The following ARMC9 variants were observed in gnomAD, a reference collection of about 807,000 sequenced individuals.
The protein encoded by ARMC9 is lisH domain-containing protein ARMC9.
Under a neutral mutation model 107.0 loss-of-function variants are expected in ARMC9, and 94 were observed. The ratio of observed to expected loss-of-function variants is 0.88; its 90% CI spans 0.74 to 1.04. ARMC9 has a LOEUF of 1.04. ARMC9 is among the 50% of genes least tolerant of loss of function. The pLI is 0.00. For missense variants in ARMC9, 942 were observed against 1,030.1 expected, an observed-to-expected ratio of 0.91 and a Z score of 1.17; for synonymous variants, 380 against 396.9, an observed-to-expected ratio of 0.96 and a Z score of 0.51.
intron 19 of ARMC9, among the ~76,000 whole-genome samples, chr2:231,324,322 T>C (rs1490314618): frequency 1.3e-5 from 2 of 149,942 alleles, no homozygotes; most frequent in East Asian, 2.0e-4. Context: ...AAGACGGGGT[T>C]TCACCATATT....
At chr2:231,204,600 G>A (rs755762892) in intron 1 of ARMC9, among the ~76,000 whole-genome samples, 3 of 152,026 alleles carry the variant, frequency 2.0e-5, no homozygotes, top group Admixed American at 6.6e-5. Context: ...TGTGTGCCAG[G>A]CACTGGTCTA....
intron 21 of ARMC9, among the ~76,000 whole-genome samples, chr2:231,348,167 A>G (rs920576355): frequency 1.3e-5 from 2 of 152,228 alleles, no homozygotes; most frequent in African/African-American, 4.8e-5. Flanking sequence ...GGATCTAGAG[A>G]TGGATGATTC....
chr2:231,272,444 C>G (rs968907425), intron 13 of ARMC9, among the ~76,000 whole-genome samples: 4 of 152,144 alleles, frequency 2.6e-5, no homozygotes, highest in Non-Finnish European at 5.9e-5. Flanking sequence ...GTCTACCTGC[C>G]TCAGCCTCCC....
chr2:231,250,393 C>G (rs2037186201), intron 9 of ARMC9, among the ~76,000 whole-genome samples: 1 of 152,178 alleles, frequency 6.6e-6, no homozygotes, highest in Non-Finnish European at 1.5e-5. Flanking sequence ...ATTAACAACC[C>G]AAAATGTCTC....
chr2:231,247,002 CT>C (rs1395910376), intron 9 of ARMC9, among the ~76,000 whole-genome samples: 2 of 151,588 alleles, frequency 1.3e-5, no homozygotes, highest in Non-Finnish European at 2.9e-5. Flanking sequence ...CATCACCAGG[CT>C]GGAGTGCAGT....
At chr2:231,220,885 A>G (rs2034055722) in intron 5 of ARMC9, among the ~76,000 whole-genome samples, 1 of 152,236 alleles carries the variant, frequency 6.6e-6, no homozygotes, top group Non-Finnish European at 1.5e-5. Context: ...GTAATCAACA[A>G]CAGAGCAATC....
At chr2:231,236,754 G>A (rs934863274) in intron 8 of ARMC9, among the ~76,000 whole-genome samples, 1 of 152,154 alleles carries the variant, frequency 6.6e-6, no homozygotes, top group Non-Finnish European at 1.5e-5. Context: ...CAGAGCCCCG[G>A]CCAACATGGC....
intron 18 of ARMC9, among the ~76,000 whole-genome samples, chr2:231,292,081 T>C (rs1020806125): frequency 1.3e-5 from 2 of 149,972 alleles, no homozygotes; most frequent in Admixed American, 1.3e-4. Flanking sequence ...GGCAGGAGAA[T>C]CGCTTGAACC....
chr2:231,285,457 C>T (rs2040520252), intron 17 of ARMC9, among the ~76,000 whole-genome samples: 1 of 151,768 alleles, frequency 6.6e-6, no homozygotes, highest in Non-Finnish European at 1.5e-5. Context: ...ACCAGCCTGG[C>T]CAACATGGAG....
Position 231,376,640 on chromosome 2 carries a change from G to GT in ARMC9, c.*5106dup, listed in dbSNP as rs1435725615. ...GCAATTTTAATTTTGCCTTGGTCCT[G>GT]TGGTCCTGTGATCTCGCCCTGCCTC... On this transcript the variant is annotated 3_prime_UTR_variant, in exon 25 of 25. Coordinates refer to ENST00000611582, the MANE Select transcript of ARMC9 (RefSeq NM_001352754.2). Among the ~76,000 whole-genome samples, 1 of 152,190 alleles carries GT rather than the reference G, an allele frequency of 6.6e-6. No individual in the cohort carries two copies. Among genetic ancestry groups the GT allele is most frequent in the Non-Finnish European group, 1.5e-5 (1 of 68,044 alleles).
rs1114167449 is a variant in ARMC9 at position 231,282,066 on chromosome 2, C to T, written c.1559C>T (p.Pro520Leu). Residue 520 changes from proline to leucine, a missense_variant, in exon 17 of 25, where the codon CCG becomes CTG. Pro to Leu is a moderately conservative substitution (Grantham distance 98, BLOSUM62 -3). Coordinates refer to ENST00000611582, the MANE Select transcript of ARMC9 (RefSeq NM_001352754.2). ...TTTTTCCTCCCCTTAAAGATACAGC[C>T]GTATGTGAATGGAGCTCTGTACAGC... The part of the protein sequence containing the change: ...LLGHENHEIQ[P>L]YVNGALYSIL... 10 of 1,614,006 alleles carry T rather than the reference C, an allele frequency of 6.2e-6. No homozygotes were observed. The highest frequency in any genetic ancestry group is 5.5e-5 in the South Asian group (5 of 91,074).
intron 8 of ARMC9, among the ~76,000 whole-genome samples, 193 bp from the exon 9 acceptor site, chr2:231,239,750 G>C (rs1479639186): frequency 6.6e-6 from 1 of 152,202 alleles, no homozygotes; most frequent in Non-Finnish European, 1.5e-5. Context: ...ACCTTGTTCT[G>C]TCAGGGCCGG....
rs1227298134 is a variant in ARMC9, at chr2:231,237,176, G to C, written c.780+1795G>C. Among the ~76,000 whole-genome samples the C allele has an allele frequency of 6.0e-4, 5 of 8,278 alleles. No individual in the cohort carries two copies. The African/African-American group carries it at 7.9e-3, about 13-fold the overall frequency. 5.4% of individuals were successfully genotyped at this position (8,278 alleles called of 152,430 possible). A position where few individuals can be genotyped will look rare whatever the true frequency, so the allele number is the denominator to read the frequency against. ...TTTTAGAACATTTCTCTGCGTATGC[G>C]TGTGTGTGTGTGTGTGTGTGTGTGT... is the stretch of plus-strand genomic sequence containing the variant. On this transcript the variant is annotated intron_variant, in intron 8 of 24. Coordinates refer to ENST00000611582, the MANE Select transcript of ARMC9 (RefSeq NM_001352754.2).
intron 16 of ARMC9, 31 bp downstream of exon 16, chr2:231,278,489 C>A (rs771479541): frequency 1.9e-6 from 3 of 1,605,350 alleles, no homozygotes; most frequent in Admixed American, 3.3e-5. Flanking sequence ...GCCCTGGGCT[C>A]GGGGAGGCTA....
chr2:231,216,911 A>G lies in ARMC9; in HGVS notation c.504+118A>G, dbSNP rs555004548. The G allele has an allele frequency of 1.7e-5, 21 of 1,239,054 alleles. No individual in the cohort carries two copies. In the East Asian group the frequency reaches 4.3e-4, roughly 25 times the overall value. 76.8% of individuals were successfully genotyped at this position (1,239,054 alleles called of 1,614,324 possible). On this transcript the variant is annotated intron_variant, in intron 5 of 24. Transcript: ENST00000611582. ...AAAACTAAAATTTGCTTACATTAGT[A>G]TTATTTTTAGTTATAACCATAATTT...
intron 13 of ARMC9, among the ~76,000 whole-genome samples, chr2:231,271,724 G>A (rs993220099): frequency 6.6e-6 from 1 of 152,226 alleles, no homozygotes; most frequent in African/African-American, 2.4e-5. Flanking sequence ...AAGCCAGGAT[G>A]TGTTACTGAG....
intron 12 of ARMC9, among the ~76,000 whole-genome samples, chr2:231,267,796 C>T (rs933586370): frequency 1.3e-5 from 2 of 152,132 alleles, no homozygotes; most frequent in Non-Finnish European, 2.9e-5. Context: ...ATTGGGACCT[C>T]GTGCACTACT....
intron 23 of ARMC9, among the ~76,000 whole-genome samples, chr2:231,364,477 G>A (rs1449267924): frequency 6.6e-6 from 1 of 152,166 alleles, no homozygotes; most frequent in Non-Finnish European, 1.5e-5. Flanking sequence ...CCTGAGGATG[G>A]ACAGCAGCTC....
intron 19 of ARMC9, among the ~76,000 whole-genome samples, chr2:231,308,838 C>T (rs1366992057): frequency 1.3e-5 from 2 of 152,236 alleles, no homozygotes; most frequent in African/African-American, 4.8e-5. Context: ...CTTCTAGGTG[C>T]ATGTCCAGAG....
Sources: gnomAD v4.1 joint callset for allele counts (sites outside exome capture counted in the v4.1 genomes callset) on GRCh38, gnomAD v4.1.1 for gene constraint, MANE v1.5 for transcripts, NCBI Gene and HGNC (gene_info 2026-07-23, HGNC 2026-07-21) for gene names.